Variants in TNIK observed in about 807,000 individuals in gnomAD.
TNIK encodes the protein TRAF2 and NCK interacting kinase.
A neutral mutation model predicts 191.3 loss-of-function variants in TNIK; 49 were observed. The ratio of observed to expected loss-of-function variants is 0.26; its 90% CI spans 0.20 to 0.32. TNIK has a LOEUF of 0.32. TNIK is among the 10% of genes least tolerant of loss of function. The pLI is 1.00. For missense variants in TNIK, 1,155 were observed against 1,702.3 expected, an observed-to-expected ratio of 0.68 and a Z score of 5.66; for synonymous variants, 594 against 600.9, an observed-to-expected ratio of 0.99 and a Z score of 0.17.
intron 2 of TNIK, among the ~76,000 whole-genome samples, chr3:171,253,168 C>A (rs1037058114): frequency 7.9e-5 from 12 of 151,370 alleles, no homozygotes; most frequent in African/African-American, 2.9e-4. Flanking sequence ...CCTATAGTCC[C>A]AGCTGCTTGG....
intron 2 of TNIK, among the ~76,000 whole-genome samples, chr3:171,251,916 C>T (rs1746266448): frequency 6.6e-6 from 1 of 152,078 alleles, no homozygotes; most frequent in East Asian, 1.9e-4. Flanking sequence ...AATATGATAA[C>T]AGACCAAAAA....
At chr3:171,332,612 G>C (rs941030581) in intron 2 of TNIK, among the ~76,000 whole-genome samples, 5 of 152,142 alleles carry the variant, frequency 3.3e-5, no homozygotes, top group African/African-American at 1.2e-4. Flanking sequence ...AGAAAGGTGT[G>C]AGATGTGTAA....
At chr3:171,072,947 C>T (rs573615890) in intron 28 of TNIK, among the ~76,000 whole-genome samples, 84 of 152,138 alleles carry the variant, frequency 5.5e-4, no homozygotes, top group African/African-American at 1.9e-3. Flanking sequence ...AAAAACATCC[C>T]GTGCTCATGG....
intron 5 of TNIK, 136 bp from the exon 6 acceptor site, chr3:171,190,923 G>A (rs1737990591): frequency 3.4e-6 from 2 of 586,902 alleles, no homozygotes; most frequent in South Asian, 2.6e-5. Context: ...CATCTTTCAT[G>A]TGCTCATAGT....
At chr3:171,398,453 A>C (rs1002763541) in intron 1 of TNIK, among the ~76,000 whole-genome samples, 2 of 152,240 alleles carry the variant, frequency 1.3e-5, no homozygotes, top group African/African-American at 2.4e-5. Context: ...TAGTACCTGC[A>C]CAGTAGTGTT....
chr3:171,110,006 G>A (rs1031417598), intron 19 of TNIK, among the ~76,000 whole-genome samples: 2 of 151,996 alleles, frequency 1.3e-5, no homozygotes, highest in African/African-American at 2.4e-5. Context: ...CTGGGTTCAA[G>A]CGATTCTCCT....
At chr3:171,178,302 G>A (rs980730274) in intron 7 of TNIK, among the ~76,000 whole-genome samples, 15 of 152,140 alleles carry the variant, frequency 9.9e-5, no homozygotes. Context: ...ATGAGGACAG[G>A]GAGACTTTTT....
At chr3:171,301,314 CTT>C (rs36084093) in intron 2 of TNIK, among the ~76,000 whole-genome samples, 124 of 133,648 alleles carry the variant, frequency 9.3e-4, no homozygotes, top group African/African-American at 2.7e-3. Flanking sequence ...ACTAGCTGGA[CTT>C]TTTTTTTTTT....
At chr3:171,137,978 AAAAAAAC>A (rs199987711) in intron 15 of TNIK, among the ~76,000 whole-genome samples, 10,465 of 149,410 alleles carry the variant, frequency 0.07, 337 homozygotes, top group Middle Eastern at 0.12. Flanking sequence ...CAAAAAAAAA[AAAAAAAC>A]AAAAACAAAA....
At chr3:171,414,786 T>G (rs988303732) in intron 1 of TNIK, among the ~76,000 whole-genome samples, 2 of 152,262 alleles carry the variant, frequency 1.3e-5, no homozygotes, top group African/African-American at 4.8e-5. Flanking sequence ...TAGTATCACC[T>G]TGGAGATATA....
chr3:171,213,603 GAAGGCACTATGTAATTAAATCCAA>G (rs1741121342), intron 3 of TNIK, among the ~76,000 whole-genome samples: 1 of 152,136 alleles, frequency 6.6e-6, no homozygotes, highest in Admixed American at 6.6e-5. Context: ...AATAACAACA[GAAGGCACTATGTAATTAAATCCAA>G]AATAAATAGT....
chr3:171,326,014 C>T (rs1393860081), intron 2 of TNIK, among the ~76,000 whole-genome samples: 1 of 152,128 alleles, frequency 6.6e-6, no homozygotes, highest in Non-Finnish European at 1.5e-5. Context: ...CTTGGGTCTT[C>T]GTGGGTTCAA....
chr3:171,157,754 T>G (rs1576993371), intron 11 of TNIK, 90 bp from the exon 12 acceptor site: 2 of 1,302,220 alleles, frequency 1.5e-6, no homozygotes, highest in African/African-American at 2.9e-5. Context: ...GGACAAATGA[T>G]TCACCCACAC....
At chr3:171,172,047 G>A (rs954158524) in intron 9 of TNIK, among the ~76,000 whole-genome samples, 1 of 151,610 alleles carries the variant, frequency 6.6e-6, no homozygotes, top group East Asian at 1.9e-4. Context: ...GGGCTCCTGT[G>A]AGTGGTGGTG....
At chr3:171,400,431 T>C (rs1453680767) in intron 1 of TNIK, among the ~76,000 whole-genome samples, 1 of 151,994 alleles carries the variant, frequency 6.6e-6, no homozygotes, top group Non-Finnish European at 1.5e-5. Context: ...TGGCTGAGCA[T>C]GGTAGTGCAT....
intron 2 of TNIK, among the ~76,000 whole-genome samples, chr3:171,250,203 T>C (rs1166923598): frequency 6.6e-6 from 1 of 152,202 alleles, no homozygotes; most frequent in Non-Finnish European, 1.5e-5. Flanking sequence ...AGCTCATCCA[T>C]ACCTGGATGG....
intron 2 of TNIK, among the ~76,000 whole-genome samples, chr3:171,345,060 T>C (rs1711945123): frequency 6.6e-6 from 1 of 152,166 alleles, no homozygotes; most frequent in Admixed American, 6.5e-5. Flanking sequence ...GTGACATCTA[T>C]GGTCTCAACT....
intron 25 of TNIK, 85 bp downstream of exon 25, chr3:171,085,019 AATCAGCTTAACTAC>A: frequency 1.2e-6 from 1 of 868,016 alleles, no homozygotes; most frequent in Non-Finnish European, 1.7e-6. Flanking sequence ...CCTAAGCAGT[AATCAGCTTAACTAC>A]TGAACTGAGG....
intron 2 of TNIK, among the ~76,000 whole-genome samples, chr3:171,260,480 GA>G (rs1403719652): frequency 2.0e-5 from 3 of 152,150 alleles, no homozygotes; most frequent in Non-Finnish European, 4.4e-5. Context: ...ACATTTTAAT[GA>G]AAGCATTAAT....
Sources: gnomAD v4.1 joint callset for allele counts (sites outside exome capture counted in the v4.1 genomes callset) on GRCh38, gnomAD v4.1.1 for gene constraint, MANE v1.5 for transcripts, NCBI Gene and HGNC (gene_info 2026-07-23, HGNC 2026-07-21) for gene names.